The following FNDC3A variants were observed in gnomAD, a reference collection of about 807,000 sequenced individuals.
FNDC3A encodes fibronectin type-III domain-containing protein 3A.
A neutral mutation model predicts 148.9 loss-of-function variants in FNDC3A; 32 were observed. That is an observed-to-expected ratio of 0.21 (90% CI 0.16 to 0.29). The LOEUF (loss-of-function observed/expected upper bound fraction) is 0.29, where lower values mean the gene tolerates loss of function less well. FNDC3A is among the 10% of genes least tolerant of loss of function. The pLI is 1.00. For missense variants in FNDC3A, 1,191 were observed against 1,452.8 expected, an observed-to-expected ratio of 0.82 and a Z score of 2.93; for synonymous variants, 472 against 473.6, an observed-to-expected ratio of 1.00 and a Z score of 0.04.
intron 3 of FNDC3A, among the ~76,000 whole-genome samples, chr13:49,097,194 A>G (rs962444273): frequency 3.3e-5 from 5 of 152,086 alleles, no homozygotes; most frequent in Admixed American, 6.6e-5. Context: ...CTGGAAGCTC[A>G]GTGTGGAGGG....
chr13:49,040,564 A>G (rs1490502717), intron 2 of FNDC3A, among the ~76,000 whole-genome samples: 2 of 152,186 alleles, frequency 1.3e-5, no homozygotes. Flanking sequence ...TCAGATCTGA[A>G]CTCTGATCTT....
At chr13:49,077,497 A>T (rs1878195714) in intron 3 of FNDC3A, among the ~76,000 whole-genome samples, 1 of 152,252 alleles carries the variant, frequency 6.6e-6, no homozygotes, top group African/African-American at 2.4e-5. Context: ...TCAGAGAAGT[A>T]ATCAGCTCAG....
At chr13:49,165,233 C>T (rs925957867) in intron 8 of FNDC3A, among the ~76,000 whole-genome samples, 2 of 151,992 alleles carry the variant, frequency 1.3e-5, no homozygotes, top group African/African-American at 4.8e-5. Context: ...GTCATATTGC[C>T]TTGCTTTTTC....
At chr13:49,024,181 A>T (rs977897159) in intron 2 of FNDC3A, among the ~76,000 whole-genome samples, 1 of 152,036 alleles carries the variant, frequency 6.6e-6, no homozygotes, top group Non-Finnish European at 1.5e-5. Flanking sequence ...GAACAAGAAG[A>T]AGTAGAAAAC....
chr13:49,075,746 A>G (rs965264626), intron 3 of FNDC3A, among the ~76,000 whole-genome samples: 1 of 151,422 alleles, frequency 6.6e-6, no homozygotes, highest in Admixed American at 6.6e-5. Context: ...TTTTGAAGCT[A>G]TCTTGTACTA....
intron 1 of FNDC3A, among the ~76,000 whole-genome samples, chr13:48,993,825 TC>T (rs1806652566): frequency 6.6e-6 from 1 of 152,174 alleles, no homozygotes; most frequent in Non-Finnish European, 1.5e-5. Context: ...ATAAAATCCT[TC>T]CATGACTCCT....
At chr13:49,189,772 C>T (rs1885787912) in intron 17 of FNDC3A, among the ~76,000 whole-genome samples, 1 of 152,158 alleles carries the variant, frequency 6.6e-6, no homozygotes, top group African/African-American at 2.4e-5. Context: ...TAGCATTTTA[C>T]AGCATTTTTA....
intron 3 of FNDC3A, among the ~76,000 whole-genome samples, chr13:49,080,522 TTTCA>T (rs1220755227): frequency 1.3e-5 from 2 of 152,234 alleles, no homozygotes; most frequent in Non-Finnish European, 2.9e-5. Context: ...GTTCTTACGT[TTTCA>T]TAGTGAAGTG....
chr13:49,108,750 G>T (rs1248826884), intron 3 of FNDC3A, among the ~76,000 whole-genome samples: 1 of 152,178 alleles, frequency 6.6e-6, no homozygotes, highest in Non-Finnish European at 1.5e-5. Flanking sequence ...TTACAGGGGG[G>T]CTGGGTCTAA....
At chr13:49,078,724 G>C (rs1046066942) in intron 3 of FNDC3A, among the ~76,000 whole-genome samples, 1 of 152,210 alleles carries the variant, frequency 6.6e-6, no homozygotes, top group Non-Finnish European at 1.5e-5. Flanking sequence ...GCCATCACTA[G>C]TTTCTGTCAT....
At chr13:49,086,073 G>C (rs1441848565) in intron 3 of FNDC3A, among the ~76,000 whole-genome samples, 1 of 152,090 alleles carries the variant, frequency 6.6e-6, no homozygotes, top group African/African-American at 2.4e-5. Context: ...GTAGAGACAA[G>C]GTTTCACCAT....
chr13:49,179,638 A>G (rs1178629135), intron 14 of FNDC3A, among the ~76,000 whole-genome samples: 3 of 152,156 alleles, frequency 2.0e-5, no homozygotes, highest in African/African-American at 7.2e-5. Flanking sequence ...CTCCCCATTT[A>G]TATCAGTATG....
chr13:49,180,565 G>A (rs1885252562), intron 14 of FNDC3A, among the ~76,000 whole-genome samples: 1 of 152,090 alleles, frequency 6.6e-6, no homozygotes, highest in South Asian at 2.1e-4. Flanking sequence ...CATTAATGAA[G>A]CATTCCAACA....
rs1485670806 is a variant in FNDC3A at position 49,197,891 on chromosome 13, C to T, written c.2490+17C>T. 2 of 1,593,860 alleles carry T rather than the reference C, an allele frequency of 1.3e-6. No individual in the cohort carries two copies. Among genetic ancestry groups the T allele is most frequent in the Admixed American group, 3.7e-5 (2 of 53,450 alleles). ...AGGGTCCAGGTAAAGATGATCAGTACCTTGTCACTTAACTCTATCCAGAGT... is the reference window on the plus strand; with the variant it reads ...AGGGTCCAGGTAAAGATGATCAGTATCTTGTCACTTAACTCTATCCAGAGT... On this transcript the variant is annotated intron_variant, in intron 21 of 25. Transcript: ENST00000492622.
chr13:49,183,354 TG>T (rs1406117611), intron 14 of FNDC3A, among the ~76,000 whole-genome samples: 6 of 152,246 alleles, frequency 3.9e-5, no homozygotes, highest in Admixed American at 3.9e-4. Flanking sequence ...ATATGCATAT[TG>T]CTTATCTTCT....
chr13:49,114,428 C>T (rs1316713480), intron 3 of FNDC3A, among the ~76,000 whole-genome samples: 1 of 151,646 alleles, frequency 6.6e-6, no homozygotes, highest in Non-Finnish European at 1.5e-5. Context: ...CCCCACCACC[C>T]CTACCCCAGC....
At chr13:49,140,720 G>A (rs919913103) in intron 7 of FNDC3A, among the ~76,000 whole-genome samples, 5 of 152,206 alleles carry the variant, frequency 3.3e-5, no homozygotes, top group African/African-American at 1.2e-4. Context: ...AGAATGGAAA[G>A]CAAAGGATAG....
At chr13:48,983,911 A>T (rs1335039892) in intron 1 of FNDC3A, among the ~76,000 whole-genome samples, 3 of 152,234 alleles carry the variant, frequency 2.0e-5, no homozygotes, top group Non-Finnish European at 4.4e-5. Context: ...GGGGAAATGT[A>T]TCACTATTAT....
intron 4 of FNDC3A, among the ~76,000 whole-genome samples, chr13:49,127,687 A>G (rs562777891): frequency 2.0e-5 from 3 of 152,314 alleles, no homozygotes; most frequent in Admixed American, 6.5e-5. Flanking sequence ...AGTCTATTCA[A>G]CATTTCCACT....
Sources: gnomAD v4.1 joint callset for allele counts (sites outside exome capture counted in the v4.1 genomes callset) on GRCh38, gnomAD v4.1.1 for gene constraint, MANE v1.5 for transcripts, NCBI Gene and HGNC (gene_info 2026-07-23, HGNC 2026-07-21) for gene names.